Variants in MRPL54 observed in about 807,000 individuals in gnomAD.
The protein encoded by MRPL54 is large ribosomal subunit protein mL54.
A neutral mutation model predicts 15.6 loss-of-function variants in MRPL54; 12 were observed. That is an observed-to-expected ratio of 0.77 (90% confidence interval 0.49 to 1.24). MRPL54 has a LOEUF of 1.24. Among genes scored for constraint, MRPL54 ranks in the 50% most tolerant of loss-of-function variants. The probability of loss-of-function intolerance (pLI) is 0.00; values close to 1 mark genes in which losing one functional copy is unlikely to be tolerated. For missense variants in MRPL54, 178 were observed against 186.8 expected (o/e 0.95, Z 0.28); for synonymous variants, 91 against 75.7 (o/e 1.20, Z -1.05).
At chr19:3,763,649 C>A (rs1164304097) in intron 1 of MRPL54, among the ~76,000 whole-genome samples, 2 of 151,360 alleles carry the variant, frequency 1.3e-5, no homozygotes, top group African/African-American at 4.9e-5. Flanking sequence ...CGCGGTAGCT[C>A]ACGCCTGTAA....
chr19:3,762,891 T>TG, intron 1 of MRPL54, 73 bp downstream of exon 1: 1 of 1,262,562 alleles, frequency 7.9e-7, no homozygotes, highest in Non-Finnish European at 1.1e-6. Context: ...AGGCGGTGGT[T>TG]GGGGAGGTGG....
At chr19:3,762,897 G>C in intron 1 of MRPL54, 79 bp downstream of exon 1, 1 of 1,230,468 alleles carries the variant, frequency 8.1e-7, no homozygotes, top group South Asian at 1.5e-5. Flanking sequence ...TGGTTGGGGA[G>C]GTGGTGCTAG....
chr19:3,764,332 C>T (rs1230217012), intron 1 of MRPL54, among the ~76,000 whole-genome samples: 1 of 152,074 alleles, frequency 6.6e-6, no homozygotes, highest in East Asian at 2.0e-4. Flanking sequence ...ATCCGCCCAC[C>T]TTGGCCTCCC....
In MRPL54 at chr19:3,765,299, A is replaced by G; in HGVS notation, c.252A>G (p.Val84=). 1 of 1,613,910 alleles carries G rather than the reference A, an allele frequency of 6.2e-7. No individual in the cohort carries two copies. The highest frequency in any genetic ancestry group is 8.5e-7 in the Non-Finnish European group (1 of 1,179,904). The stretch of plus-strand genomic sequence containing the variant: ...ACATCTACAAGGAAGGGCAGGATGT[A>G]CCCCTGAAACCGGATGCTGAGTACC... The part of the protein sequence containing the change: ...GVNIYKEGQD[V]PLKPDAEYPE... The change falls in exon 2 of 3, where the codon GTA becomes GTG. Residue 84 remains valine (V), a synonymous_variant. Coordinates refer to ENST00000330133, the MANE Select transcript of MRPL54 (RefSeq NM_172251.3).
At chr19:3,765,910 A>C (rs1387267272) in intron 2 of MRPL54, among the ~76,000 whole-genome samples, 3 of 124,864 alleles carry the variant, frequency 2.4e-5, no homozygotes, top group Non-Finnish European at 5.2e-5. Context: ...AAAAAAAAAA[A>C]AAAATTTTTT....
chr19:3,767,289 A>G lies in MRPL54; in HGVS notation c.313A>G (p.Lys105Glu), dbSNP rs767606627. The G allele has an allele frequency of 2.5e-6, 4 of 1,612,816 alleles. No homozygotes were observed. The highest frequency in any genetic ancestry group is 2.2e-5 in the South Asian group (2 of 91,038). ...GTTCGAGATGAACTTGGGTCCCCCA[A>G]AGACCCTGGAGGAGCTGGACCCCGA... ...WLFEMNLGPP[K>E]TLEELDPESR... Residue 105 changes from lysine (K) to glutamate (E), a missense_variant, in exon 3 of 3, where the codon AAG (lysine) becomes GAG (glutamate). By Grantham distance (56) the Lys-to-Glu change is moderately conservative. Coordinates refer to ENST00000330133, the MANE Select transcript of MRPL54 (RefSeq NM_172251.3).
At chr19:3,767,116 G>T in intron 2 of MRPL54, 145 bp from the exon 3 acceptor site, 2 of 1,062,182 alleles carry the variant, frequency 1.9e-6, no homozygotes, top group Non-Finnish European at 2.6e-6. Context: ...CCAGCCCAGG[G>T]TCGGGGAGGG....
rs557626914 is a variant in MRPL54, at chr19:3,764,743, G to C, written c.119-423G>C. ...GACCCTGTCTTTAAAAAAAAGTTTT[G>C]AGTGGCCGGGCGCGGTGGCTCACGC... On this transcript the variant is annotated intron_variant, in intron 1 of 2. Coordinates refer to ENST00000330133, the MANE Select transcript of MRPL54 (RefSeq NM_172251.3). Among the ~76,000 whole-genome samples, 4 of 149,890 alleles carry C rather than the reference G, an allele frequency of 2.7e-5. No individual in the cohort carries two copies. The South Asian group carries it at 6.6e-4, about 25-fold the overall frequency.
At chr19:3,762,930 G>A (rs2037164662) in intron 1 of MRPL54, 112 bp downstream of exon 1, 7 of 880,516 alleles carry the variant, frequency 7.9e-6, no homozygotes, top group Middle Eastern at 2.4e-4. Context: ...AGCGCAGAGA[G>A]GCGGATGCCA....
At chr19:3,762,879 G>T (rs758656523) in intron 1 of MRPL54, 61 bp downstream of exon 1, 1 of 1,317,610 alleles carries the variant, frequency 7.6e-7, no homozygotes, top group Non-Finnish European at 1.0e-6. Flanking sequence ...TTGACAGTGC[G>T]CAGGCGGTGG....
At chr19:3,766,711 T>C (rs997985596) in intron 2 of MRPL54, among the ~76,000 whole-genome samples, 1 of 152,062 alleles carries the variant, frequency 6.6e-6, no homozygotes, top group Non-Finnish European at 1.5e-5. Context: ...GCCGGGGTGT[T>C]TGGCTGCTCT....
At chr19:3,763,932 T>C (rs527375785) in intron 1 of MRPL54, among the ~76,000 whole-genome samples, 1 of 147,112 alleles carries the variant, frequency 6.8e-6, no homozygotes, top group Non-Finnish European at 1.5e-5. Context: ...AATAAATAAA[T>C]AAAAATAAAA....
At chr19:3,763,640 G>A (rs1029160260) in intron 1 of MRPL54, among the ~76,000 whole-genome samples, 4 of 150,826 alleles carry the variant, frequency 2.7e-5, no homozygotes, top group Non-Finnish European at 4.4e-5. Flanking sequence ...ATTGCCTGGC[G>A]CGGTAGCTCA....
intron 1 of MRPL54, among the ~76,000 whole-genome samples, chr19:3,763,656 G>A (rs2037172956): frequency 6.6e-6 from 1 of 151,256 alleles, no homozygotes; most frequent in African/African-American, 2.4e-5. Flanking sequence ...GCTCACGCCT[G>A]TAATCCCAGC....
In MRPL54 at chr19:3,765,273, A is replaced by T; in HGVS notation, c.226A>T (p.Asn76Tyr). 2 of 1,614,002 alleles carry T rather than the reference A, an allele frequency of 1.2e-6. No individual in the cohort carries two copies. Among genetic ancestry groups the T allele is most frequent in the Non-Finnish European group, 1.7e-6 (2 of 1,179,960 alleles). ...VQLTTYAMGV[N>Y]IYKEGQDVPL... The stretch of plus-strand genomic sequence containing the variant: ...GCTCACCACATATGCCATGGGCGTC[A>T]ACATCTACAAGGAAGGGCAGGATGT... The change falls in exon 2 of 3, where the codon AAC (asparagine) becomes TAC (tyrosine). Residue 76 changes from asparagine to tyrosine, a missense_variant. By Grantham distance (143) the Asn-to-Tyr change is moderately radical. Transcript: ENST00000330133.
rs1038567754 is a variant in MRPL54, at chr19:3,767,484, C to T, written c.*91C>T. 4 of 1,541,914 alleles carry T rather than the reference C, an allele frequency of 2.6e-6. No individual in the cohort carries two copies. In the African/African-American group the frequency reaches 4.2e-5, roughly 16 times the overall value. ...TTTTGTGAGACAAGAGGCGGCTCCCCAGCCTGGGTTTCCATGTGACCCCAC... is the reference window on the plus strand; with the variant it reads ...TTTTGTGAGACAAGAGGCGGCTCCCTAGCCTGGGTTTCCATGTGACCCCAC... On this transcript the variant is annotated 3_prime_UTR_variant, in exon 3 of 3. Transcript: ENST00000330133.
chr19:3,765,053 G>C, intron 1 of MRPL54, 113 bp from the exon 2 acceptor site: 3 of 1,047,330 alleles, frequency 2.9e-6, no homozygotes, highest in Non-Finnish European at 4.0e-6. Context: ...AAAGTTTTGA[G>C]TGTAGCAGAG....
Position 3,767,533 on chromosome 19 carries a change from G to A in MRPL54, c.*140G>A, listed in dbSNP as rs1477288463. The A allele has an allele frequency of 1.2e-5, 15 of 1,227,652 alleles. No homozygotes were observed. The highest frequency in any genetic ancestry group is 1.7e-5 in the Non-Finnish European group (15 of 895,778). 76.0% of individuals were successfully genotyped at this position (1,227,652 alleles called of 1,614,324 possible). A position where few individuals can be genotyped will look rare whatever the true frequency, so the allele number is the denominator to read the frequency against. On this transcript the variant is annotated 3_prime_UTR_variant, in exon 3 of 3. Coordinates refer to ENST00000330133, the MANE Select transcript of MRPL54 (RefSeq NM_172251.3). ...ACAGTGGGGCTGGACCAGGGCCCTG[G>A]AGGCCAATAAAGAGCTTTCTGGGTA...
intron 2 of MRPL54, among the ~76,000 whole-genome samples, chr19:3,766,755 G>A (rs760781314): frequency 2.5e-4 from 38 of 152,232 alleles, no homozygotes; most frequent in African/African-American, 8.7e-4. Context: ...AAGCCAAGAC[G>A]GGAGTGGGTG....
Sources: gnomAD v4.1 joint callset for allele counts (sites outside exome capture counted in the v4.1 genomes callset) on GRCh38, gnomAD v4.1.1 for gene constraint, MANE v1.5 for transcripts, NCBI Gene and HGNC (gene_info 2026-07-23, HGNC 2026-07-21) for gene names.